The following PLCB1 variants were observed in gnomAD, a reference collection of about 807,000 sequenced individuals.
The protein encoded by PLCB1 is 1-phosphatidylinositol 4,5-bisphosphate phosphodiesterase beta-1.
Under a neutral mutation model 161.8 loss-of-function variants are expected in PLCB1, and 46 were observed. The observed-to-expected ratio is 0.28, with a 90% confidence interval of 0.22 to 0.36. The LOEUF (loss-of-function observed/expected upper bound fraction) is 0.36, where lower values mean the gene tolerates loss of function less well. Among genes scored for constraint, PLCB1 ranks in the 10% least tolerant of loss-of-function variants. The probability of loss-of-function intolerance (pLI) is 1.00; values close to 1 mark genes in which losing one functional copy is unlikely to be tolerated. For missense variants in PLCB1, 1,016 were observed against 1,472.5 expected, an observed-to-expected ratio of 0.69 and a Z score of 5.07; for synonymous variants, 517 against 503.7, an observed-to-expected ratio of 1.03 and a Z score of -0.35.
intron 31 of PLCB1, among the ~76,000 whole-genome samples, chr20:8,794,550 A>G (rs1307345173): frequency 6.6e-6 from 1 of 152,210 alleles, no homozygotes; most frequent in Non-Finnish European, 1.5e-5. Context: ...ACATGACATC[A>G]TATTTCTTCC....
chr20:8,230,056 C>CAAAAAAAAAAAAAAAAAAAAAAAAAAAA (rs547874616), intron 2 of PLCB1, among the ~76,000 whole-genome samples: 1 of 58,870 alleles, frequency 1.7e-5, no homozygotes, highest in Non-Finnish European at 3.7e-5. Flanking sequence ...GACTTGGCAG[C>CAAAAAAAAAAAAAAAAAAAAAAAAAAAA]AAAAAAAAAA....
chr20:8,219,673 G>T (rs564129950), intron 2 of PLCB1, among the ~76,000 whole-genome samples: 2 of 152,098 alleles, frequency 1.3e-5, no homozygotes, highest in Non-Finnish European at 2.9e-5. Context: ...CAACAGCTCG[G>T]ATTTATGTCC....
intron 3 of PLCB1, among the ~76,000 whole-genome samples, chr20:8,388,767 ATG>A (rs1987506825): frequency 6.6e-6 from 1 of 151,940 alleles, no homozygotes; most frequent in African/African-American, 2.4e-5. Context: ...GTGTGCGTGC[ATG>A]TGTGTGTGTG....
intron 3 of PLCB1, among the ~76,000 whole-genome samples, chr20:8,493,706 A>T (rs373421362): frequency 0.094 from 11,367 of 120,752 alleles, 750 homozygotes; most frequent in Middle Eastern, 0.12. Context: ...GCTGTGTGCT[A>T]TAGCATCACT....
chr20:8,180,110 G>C (rs62199965), intron 2 of PLCB1, among the ~76,000 whole-genome samples: 2 of 151,602 alleles, frequency 1.3e-5, no homozygotes, highest in African/African-American at 4.9e-5. Context: ...CGCCCGCCTC[G>C]GCCTCCCAAA....
chr20:8,771,703 C>T (rs778081350), intron 26 of PLCB1, among the ~76,000 whole-genome samples: 2 of 152,010 alleles, frequency 1.3e-5, no homozygotes, highest in South Asian at 2.1e-4. Flanking sequence ...TCCCTTAGTA[C>T]ATAGTATCTA....
At chr20:8,644,825 T>A (rs1600222210) in intron 4 of PLCB1, among the ~76,000 whole-genome samples, 2 of 151,732 alleles carry the variant, frequency 1.3e-5, no homozygotes, top group Middle Eastern at 6.8e-3. Flanking sequence ...GTCTGGGAGG[T>A]GTACCCAACA....
At chr20:8,451,250 G>T (rs906236412) in intron 3 of PLCB1, among the ~76,000 whole-genome samples, 20 of 152,256 alleles carry the variant, frequency 1.3e-4, no homozygotes, top group African/African-American at 4.8e-4. Flanking sequence ...AAACACAAAA[G>T]AGTTAGTTCA....
At chr20:8,786,141 A>G (rs1367445629) in intron 27 of PLCB1, among the ~76,000 whole-genome samples, 1 of 152,174 alleles carries the variant, frequency 6.6e-6, no homozygotes, top group Non-Finnish European at 1.5e-5. Flanking sequence ...ATCCCTGGAT[A>G]ACTCTCTGTA....
intron 2 of PLCB1, among the ~76,000 whole-genome samples, chr20:8,292,136 G>T (rs1983411742): frequency 6.6e-6 from 1 of 152,120 alleles, no homozygotes; most frequent in Non-Finnish European, 1.5e-5. Context: ...TTCTAAGGGA[G>T]CTAAAGTTCT....
chr20:8,554,179 G>A (rs1011003487), intron 3 of PLCB1, among the ~76,000 whole-genome samples: 1 of 151,922 alleles, frequency 6.6e-6, no homozygotes, highest in Non-Finnish European at 1.5e-5. Flanking sequence ...AACTACTTTG[G>A]AAAACTCTCT....
intron 3 of PLCB1, among the ~76,000 whole-genome samples, chr20:8,592,602 C>T (rs541395074): frequency 1.3e-5 from 2 of 152,012 alleles, no homozygotes; most frequent in Non-Finnish European, 2.9e-5. Context: ...CTTTTTTTCC[C>T]CTTGGAGAAG....
chr20:8,365,396 C>T (rs552083619), intron 2 of PLCB1, among the ~76,000 whole-genome samples: 183 of 152,294 alleles, frequency 1.2e-3, no homozygotes, highest in Non-Finnish European at 2.4e-3. Context: ...CTATACCTCT[C>T]ATTTCCATTG....
At chr20:8,260,674 G>A (rs1981643572) in intron 2 of PLCB1, among the ~76,000 whole-genome samples, 1 of 152,070 alleles carries the variant, frequency 6.6e-6, no homozygotes, top group South Asian at 2.1e-4. Flanking sequence ...GCTAAAGAGG[G>A]AATAAACAAT....
At chr20:8,760,581 T>TA in intron 25 of PLCB1, 121 bp downstream of exon 25, 1 of 635,700 alleles carries the variant, frequency 1.6e-6, no homozygotes, top group Non-Finnish European at 2.7e-6. Context: ...TTTCTTCTTC[T>TA]AAAAAATCTA....
At chr20:8,532,816 G>A (rs1350558325) in intron 3 of PLCB1, among the ~76,000 whole-genome samples, 2 of 152,042 alleles carry the variant, frequency 1.3e-5, no homozygotes, top group African/African-American at 4.8e-5. Context: ...ACAGAAGGAT[G>A]AATGGAAGGA....
At chr20:8,365,336 G>A (rs1986674489) in intron 2 of PLCB1, among the ~76,000 whole-genome samples, 1 of 152,162 alleles carries the variant, frequency 6.6e-6, no homozygotes, top group Admixed American at 6.6e-5. Flanking sequence ...AATAAAGAAA[G>A]CCAGATGTGT....
At chr20:8,541,053 G>C (rs1985295864) in intron 3 of PLCB1, among the ~76,000 whole-genome samples, 1 of 152,168 alleles carries the variant, frequency 6.6e-6, no homozygotes. Context: ...AGAAGGGACA[G>C]ACACCATAAT....
intron 3 of PLCB1, among the ~76,000 whole-genome samples, chr20:8,500,688 CTCTT>C (rs1983369254): frequency 6.6e-6 from 1 of 152,094 alleles, no homozygotes; most frequent in South Asian, 2.1e-4. Flanking sequence ...ATTTACCAAA[CTCTT>C]TCTTCTTTAT....
Sources: allele counts gnomAD v4.1 joint callset (sites outside exome capture counted in the v4.1 genomes callset), GRCh38; gene constraint gnomAD v4.1.1; transcripts MANE v1.5; gene names NCBI Gene and HGNC (gene_info 2026-07-23, HGNC 2026-07-21).